The following PRUNE2 variants were observed in gnomAD, a reference collection of about 807,000 sequenced individuals.
PRUNE2 encodes protein prune homolog 2.
In PRUNE2, 164 loss-of-function variants were observed where a neutral mutation model predicts 252.0. The observed-to-expected ratio is 0.65, with a 90% confidence interval of 0.57 to 0.74. The LOEUF is 0.74. Ranked by LOEUF, PRUNE2 falls within the 30% of genes least tolerant of loss-of-function variation. The probability of loss-of-function intolerance (pLI) is 0.00; values close to 1 mark genes in which losing one functional copy is unlikely to be tolerated. For missense variants in PRUNE2, 3,495 were observed against 3,711.0 expected (o/e 0.94, Z 1.51); for synonymous variants, 1,292 against 1,350.2 (o/e 0.96, Z 0.94).
chr9:76,808,374 G>A (rs1233021656), intron 6 of PRUNE2, among the ~76,000 whole-genome samples: 1 of 152,178 alleles, frequency 6.6e-6, no homozygotes, highest in Non-Finnish European at 1.5e-5. Context: ...ATCACGTTAG[G>A]ATATTGTGTG....
chr9:76,830,511 G>C (rs2132092431), intron 4 of PRUNE2, among the ~76,000 whole-genome samples: 1 of 152,044 alleles, frequency 6.6e-6, no homozygotes, highest in Non-Finnish European at 1.5e-5. Flanking sequence ...AACTAGCTGG[G>C]CATGATGGTG....
intron 14 of PRUNE2, among the ~76,000 whole-genome samples, chr9:76,636,862 A>G (rs536991858): frequency 6.6e-6 from 1 of 152,286 alleles, no homozygotes; most frequent in African/African-American, 2.4e-5. Context: ...TGGGTTAGAC[A>G]GGAGAATCGC....
chr9:76,711,344 C>T lies in PRUNE2; in HGVS notation c.930G>A (p.Leu310=). 6.2e-7 allele frequency: 1 copy of T among 1,610,202 alleles called. No individual in the cohort carries two copies. Among genetic ancestry groups the T allele is most frequent in the South Asian group, 1.1e-5 (1 of 90,526 alleles). ...CTAGGCAAGGGTTCTGACACTCTTC[C>T]AGCTCACAGCAAATCTGTCGGAAGG... The part of the protein sequence containing the change: ...MELCSQICCE[L]EECQNPCLEL... Residue 310 remains leucine, a synonymous_variant, in exon 8 of 19, where the codon CTG becomes CTA. Coordinates refer to ENST00000376718, the MANE Select transcript of PRUNE2 (RefSeq NM_015225.3).
chr9:76,712,173 T>C (rs1003164278), intron 7 of PRUNE2, among the ~76,000 whole-genome samples: 1 of 152,238 alleles, frequency 6.6e-6, no homozygotes, highest in Non-Finnish European at 1.5e-5. Flanking sequence ...AGTGCTTTCA[T>C]GTGCCAGGCA....
intron 1 of PRUNE2, among the ~76,000 whole-genome samples, chr9:76,892,143 C>T (rs930928534): frequency 6.6e-6 from 1 of 152,174 alleles, no homozygotes; most frequent in Non-Finnish European, 1.5e-5. Context: ...ACGCTTGTCT[C>T]AACTCAGCAG....
In PRUNE2 at chr9:76,709,537, A is replaced by G. The variant is rs576419026; in HGVS notation, c.2737T>C (p.Tyr913His). Residue 913 changes from tyrosine to histidine, a missense_variant, in exon 8 of 19, where the codon TAT (tyrosine) becomes CAT (histidine). By Grantham distance (83) the Tyr-to-His change is moderately conservative. Transcript: ENST00000376718. ...AGGTTCCAGGAATCTACCTTTTCAT[A>G]TACCTTGCCCCTAGTTTTAGGATCC... ...LVDPKTRGKV[Y>H]EKVDSWNLFE... The G allele has an allele frequency of 2.0e-5, 33 of 1,613,972 alleles. No homozygotes were observed. The highest frequency in any genetic ancestry group is 1.1e-4 in the African/African-American group (8 of 75,032).
At chr9:76,819,512 A>G (rs1187817440) in intron 6 of PRUNE2, 2 of 152,230 alleles carry the variant, frequency 1.3e-5, no homozygotes, top group Admixed American at 1.3e-4. Flanking sequence ...CGCCTTGATC[A>G]TGGACTTCTA....
At chr9:76,677,998 C>A (rs572285158) in intron 9 of PRUNE2, among the ~76,000 whole-genome samples, 1 of 152,176 alleles carries the variant, frequency 6.6e-6, no homozygotes, top group Non-Finnish European at 1.5e-5. Flanking sequence ...CCAGAGCCTG[C>A]GCCCAGAGAA....
At chr9:76,897,383 C>A (rs1297737717) in intron 1 of PRUNE2, among the ~76,000 whole-genome samples, 3 of 120,126 alleles carry the variant, frequency 2.5e-5, no homozygotes, top group South Asian at 2.8e-4. Flanking sequence ...CAACCTTAGG[C>A]AAACCTCTTT....
At chr9:76,721,537 C>A (rs1427859137) in intron 6 of PRUNE2, among the ~76,000 whole-genome samples, 2 of 152,008 alleles carry the variant, frequency 1.3e-5, no homozygotes, top group African/African-American at 2.4e-5. Context: ...TTTGTTTTTG[C>A]AGGAAATGGA....
At chr9:76,893,284 A>T (rs1338011749) in intron 1 of PRUNE2, among the ~76,000 whole-genome samples, 1 of 152,180 alleles carries the variant, frequency 6.6e-6, no homozygotes, top group Admixed American at 6.5e-5. Context: ...AACCCCTATG[A>T]TTCTATAGTA....
chr9:76,833,886 G>GTT (rs71354685), intron 4 of PRUNE2, among the ~76,000 whole-genome samples: 124 of 141,296 alleles, frequency 8.8e-4, no homozygotes, highest in African/African-American at 1.8e-3. Context: ...GGGTTTTTTT[G>GTT]TTTTTTTTTT....
chr9:76,655,432 T>C lies in PRUNE2; in HGVS notation c.8347A>G (p.Met2783Val), dbSNP rs762423125. The stretch of plus-strand genomic sequence containing the variant: ...CAAATGCTGCTCTCACCAGGCCTCA[T>C]GTCTGCAGCACTGGGACTCAGCACG... ...EGVLSPSAAD[M>V]RPEPPNSLDL... The change falls in exon 10 of 19, where the codon ATG becomes GTG. Residue 2783 changes from methionine (M) to valine (V), a missense_variant. Coordinates refer to ENST00000376718, the MANE Select transcript of PRUNE2 (RefSeq NM_015225.3). The C allele has an allele frequency of 2.5e-6, 4 of 1,611,084 alleles. No homozygotes were observed. The highest frequency in any genetic ancestry group is 1.1e-5 in the South Asian group (1 of 90,534).
At chr9:76,888,485 G>A (rs980165078) in intron 1 of PRUNE2, among the ~76,000 whole-genome samples, 1 of 151,964 alleles carries the variant, frequency 6.6e-6, no homozygotes, top group African/African-American at 2.4e-5. Flanking sequence ...TCTGAGGCAG[G>A]AGAATTGCTT....
chr9:76,879,403 T>G (rs1346794479), intron 1 of PRUNE2, among the ~76,000 whole-genome samples: 1 of 152,170 alleles, frequency 6.6e-6, no homozygotes, highest in South Asian at 2.1e-4. Context: ...TTGACAAATG[T>G]TTACTCAACA....
chr9:76,869,686 T>G (rs765036514), intron 1 of PRUNE2, among the ~76,000 whole-genome samples: 2 of 152,226 alleles, frequency 1.3e-5, no homozygotes, highest in Non-Finnish European at 2.9e-5. Flanking sequence ...ATAAACATGT[T>G]GATATAAACT....
Position 76,711,168 on chromosome 9 carries a change from G to A in PRUNE2, c.1106C>T (p.Thr369Ile), listed in dbSNP as rs767902882. The change falls in exon 8 of 19, where the codon ACA becomes ATA. Residue 369 changes from threonine (T) to isoleucine (I), a missense_variant. Transcript: ENST00000376718. ...GGGGGCACTGCCTGCCACGGCTTCT[G>A]TTGAGGATGTCCGGCTATTGGAGAC... is the stretch of plus-strand genomic sequence containing the variant. ...EMVSNSRTSS[T>I]EAVAGSAPLS... 1.9e-6 allele frequency: 3 copies of A among 1,613,964 alleles called. No homozygotes were observed. Among genetic ancestry groups the A allele is most frequent in the Non-Finnish European group, 2.5e-6 (3 of 1,179,864 alleles).
intron 9 of PRUNE2, among the ~76,000 whole-genome samples, chr9:76,698,208 G>A (rs930178640): frequency 6.6e-6 from 1 of 152,054 alleles, no homozygotes; most frequent in African/African-American, 2.4e-5. Flanking sequence ...CACCATGCCT[G>A]GCTAATTTTT....
At chr9:76,826,789 C>G in intron 4 of PRUNE2, 57 bp from the exon 5 acceptor site, 1 of 1,378,046 alleles carries the variant, frequency 7.3e-7, no homozygotes, top group Non-Finnish European at 9.8e-7. Context: ...AGAACAGGGG[C>G]CAAGAAAATC....
Sources: gnomAD v4.1 joint callset for allele counts (sites outside exome capture counted in the v4.1 genomes callset) on GRCh38, gnomAD v4.1.1 for gene constraint, MANE v1.5 for transcripts, NCBI Gene and HGNC (gene_info 2026-07-23, HGNC 2026-07-21) for gene names.